Variants in MAP3K11 observed in about 807,000 individuals in gnomAD.
MAP3K11 encodes the protein SH3 domain-containing proline-rich kinase.
MAP3K11 carries 46 observed loss-of-function variants against 84.9 expected under a neutral mutation model. That is an observed-to-expected ratio of 0.54 (90% CI 0.43 to 0.69). The LOEUF is 0.69. Among genes scored for constraint, MAP3K11 ranks in the 30% least tolerant of loss-of-function variants. The pLI, the probability that MAP3K11 is intolerant of heterozygous loss-of-function variation, is 0.00. For synonymous variants in MAP3K11, 527 were observed against 514.7 expected (o/e 1.02, Z -0.32); for missense variants, 1,053 against 1,198.3 (o/e 0.88, Z 1.79).
Position 65,599,443 on chromosome 11 carries a change from A to G in MAP3K11, c.2157T>C (p.Pro719=). Residue 719 remains proline, a synonymous_variant, in exon 9 of 10, where the codon CCT becomes CCC. Coordinates refer to ENST00000309100, the MANE Select transcript of MAP3K11 (RefSeq NM_002419.4). ...GGCTCTTGGCTGACCGCTGGCCCAC[A>G]GGGATACCCAGGTCCAGCAACAGGG... is the stretch of plus-strand genomic sequence containing the variant. ...PAPLLLDLGI[P]VGQRSAKSPR... 8.6e-6 allele frequency: 13 copies of G among 1,520,214 alleles called. No homozygotes were observed. The highest frequency in any genetic ancestry group is 1.1e-5 in the Non-Finnish European group (13 of 1,146,220). 94.2% of individuals were successfully genotyped at this position (1,520,214 alleles called of 1,614,324 possible).
chr11:65,607,879 G>A, intron 3 of MAP3K11, 43 bp downstream of exon 3: 2 of 1,609,022 alleles, frequency 1.2e-6, no homozygotes, highest in East Asian at 2.2e-5. Flanking sequence ...TGTGTCCTGG[G>A]CCAGGGAGCT....
chr11:65,608,693 C>T (rs1211338059), intron 1 of MAP3K11: 2 of 449,342 alleles, frequency 4.5e-6, no homozygotes, highest in Non-Finnish European at 8.0e-6. Flanking sequence ...TCTTGGCTCA[C>T]TGCAACCTCC....
At chr11:65,607,247 A>G (rs1017844899) in intron 5 of MAP3K11, 23 bp downstream of exon 5, 1 of 1,461,766 alleles carries the variant, frequency 6.8e-7, no homozygotes, top group East Asian at 2.7e-5. Context: ...ATGGCGGGGG[A>G]CGCCCCGGGG....
At chr11:65,606,573 G>C in intron 6 of MAP3K11, 118 bp downstream of exon 6, 1 of 698,580 alleles carries the variant, frequency 1.4e-6, no homozygotes, top group Non-Finnish European at 2.4e-6. Flanking sequence ...CTAAGGCAGG[G>C]AGCCTGGGGG....
In MAP3K11 at chr11:65,607,727, T is replaced by C; in HGVS notation, c.1159A>G (p.Met387Val). Residue 387 changes from methionine to valine, a missense_variant, in exon 4 of 10, where the codon ATG (methionine) becomes GTG (valine). This residue lies in a region of MAP3K11 where 310 missense variants were observed against 464.5 expected (regional missense o/e 0.67). Transcript: ENST00000309100. ...ATGGAATGGAAGGAGTCCCGCGGCA[T>C]TTCCCGTAGGACCTGTGCCTCCAGC... ...EALEAQVLRE[M>V]PRDSFHSMQE... The C allele has an allele frequency of 6.2e-7, 1 of 1,613,878 alleles. No individual in the cohort carries two copies. The highest frequency in any genetic ancestry group is 8.5e-7 in the Non-Finnish European group (1 of 1,179,892).
intron 9 of MAP3K11, among the ~76,000 whole-genome samples, 159 bp from the exon 10 acceptor site, chr11:65,598,787 TA>T (rs1403006163): frequency 6.6e-6 from 1 of 152,186 alleles, no homozygotes; most frequent in African/African-American, 2.4e-5. Flanking sequence ...CTGTTTTTTG[TA>T]ATAGTTAGGA....
chr11:65,604,435 G>A (rs1451369078), intron 8 of MAP3K11, among the ~76,000 whole-genome samples: 2 of 152,246 alleles, frequency 1.3e-5, no homozygotes, highest in African/African-American at 2.4e-5. Flanking sequence ...GTCCCTGCAG[G>A]ACAGATGCTG....
rs780599035 is a variant in MAP3K11, at chr11:65,607,829, C to A, written c.1070-13G>T. Reference sequence around the variant, plus strand: ...TGCGCCCAGCAGTCTAGGGGCACGGCGTGCAGCGGGGACAGAATAAGAAGG... The same window carrying A: ...TGCGCCCAGCAGTCTAGGGGCACGGAGTGCAGCGGGGACAGAATAAGAAGG... On this transcript the variant is annotated splice_polypyrimidine_tract_variant and intron_variant, in intron 3 of 9. Coordinates refer to ENST00000309100, the MANE Select transcript of MAP3K11 (RefSeq NM_002419.4). 1.3e-5 allele frequency: 21 copies of A among 1,607,612 alleles called. 1 individual carries two copies. In the South Asian group the frequency reaches 2.3e-4, roughly 18 times the overall value.
rs1161465365 is a variant in MAP3K11, at chr11:65,598,587, G to A, written c.2248C>T (p.Pro750Ser). ...SPPPGTSRSA[P>S]GTPGTPRSPP... ...GAACGTGGGGTGCCTGGGGTGCCAGGAGCAGAGCGTGATGTCCCCGGTGGG... is the reference window on the plus strand; with the variant it reads ...GAACGTGGGGTGCCTGGGGTGCCAGAAGCAGAGCGTGATGTCCCCGGTGGG... The change falls in exon 10 of 10, where the codon CCT (proline) becomes TCT (serine). Residue 750 changes from proline (P) to serine (S), a missense_variant. By Grantham distance (74) the Pro-to-Ser change is moderately conservative (BLOSUM62 -1). This residue lies in a region of MAP3K11 where 583 missense variants were observed against 566.6 expected (regional missense o/e 1.03). Coordinates refer to ENST00000309100, the MANE Select transcript of MAP3K11 (RefSeq NM_002419.4). The A allele has an allele frequency of 6.3e-7, 1 of 1,585,914 alleles. No homozygotes were observed. The highest frequency in any genetic ancestry group is 1.8e-5 in the Admixed American group (1 of 56,324).
intron 1 of MAP3K11, chr11:65,608,725 G>A (rs1854540965): frequency 2.7e-6 from 1 of 372,328 alleles, no homozygotes; most frequent in Non-Finnish European, 4.9e-6. Flanking sequence ...TCAAGCGATT[G>A]TCCTGCCCCA....
chr11:65,607,628 T>G lies in MAP3K11; in HGVS notation c.1245+13A>C, dbSNP rs1157521473. The G allele has an allele frequency of 1.9e-5, 31 of 1,596,782 alleles. No homozygotes were observed. Among genetic ancestry groups the G allele is most frequent in the Non-Finnish European group, 2.6e-5 (30 of 1,168,848 alleles). On this transcript the variant is annotated intron_variant, in intron 4 of 9. Transcript: ENST00000309100. ...ACACTCGTTCCAACGCTGGGTCCCT[T>G]GATTCCTCGCACCTTTTCCTTGGCT...
rs750269167 is a variant in MAP3K11, at chr11:65,599,716, G to A, written c.1884C>T (p.Pro628=). The part of the protein sequence containing the change: ...LEPEEPKRPV[P]AERGSSSGTP... ...TCCCAGAGCTGCTACCGCGCTCTGC[G>A]GGGACAGGCCTCTTGGGCTCCTCGG... The change falls in exon 9 of 10, where the codon CCC becomes CCT. Residue 628 remains proline, a synonymous_variant. Transcript: ENST00000309100. The A allele has an allele frequency of 1.4e-5, 22 of 1,586,014 alleles. No individual in the cohort carries two copies. In the African/African-American group the frequency reaches 1.5e-4, roughly 11 times the overall value.
chr11:65,599,099 C>G (rs1854419760), intron 9 of MAP3K11, among the ~76,000 whole-genome samples: 1 of 152,160 alleles, frequency 6.6e-6, no homozygotes, highest in Admixed American at 6.5e-5. Context: ...CTCAACCTTT[C>G]AAGGCTCACG....
chr11:65,608,339 C>G lies in MAP3K11; in HGVS notation c.849G>C (p.Ala283=), dbSNP rs757879340. The change falls in exon 2 of 10, where the codon GCG becomes GCC. Residue 283 remains alanine, a synonymous_variant. Coordinates refer to ENST00000309100, the MANE Select transcript of MAP3K11 (RefSeq NM_002419.4). ...EWHKTTQMSA[A]GTYAWMAPEV... ...CAGGAGCCATCCAGGCGTAGGTGCC[C>G]GCGGCACTCATTTGTGTGGTTTTGT... is the stretch of plus-strand genomic sequence containing the variant. 3 of 1,614,216 alleles carry G rather than the reference C, an allele frequency of 1.9e-6. No individual in the cohort carries two copies. The highest frequency in any genetic ancestry group is 1.6e-4 in the Middle Eastern group (1 of 6,062).
At chr11:65,600,977 C>CCACTG (rs1447221210) in intron 8 of MAP3K11, among the ~76,000 whole-genome samples, 3 of 152,244 alleles carry the variant, frequency 2.0e-5, no homozygotes, top group Non-Finnish European at 4.4e-5. Flanking sequence ...CCCACCCCGG[C>CCACTG]CACTGCCACT....
rs1391630281 is a variant in MAP3K11 at position 65,599,589 on chromosome 11, G to A, written c.2011C>T (p.Arg671Cys). Residue 671 changes from arginine to cysteine, a missense_variant, in exon 9 of 10, where the codon CGC becomes TGC. By Grantham distance (180) the Arg-to-Cys change is radical. Transcript: ENST00000309100. Reference protein sequence around the residue: ...LQPPGGPGRERGESPTTPPTP... With the variant: ...LQPPGGPGRECGESPTTPPTP... ...GGGGGTGTTGTCGGGGACTCCCCGC[G>A]CTCGCGTCCTGGGCCTCCCGGCGGC... 6 of 1,520,110 alleles carry A rather than the reference G, an allele frequency of 3.9e-6. No homozygotes were observed. The highest frequency in any genetic ancestry group is 2.6e-5 in the South Asian group (2 of 78,244). The allele number at this position is 1,520,110 out of a possible 1,614,324, so 94.2% of individuals were successfully genotyped here.
Position 65,606,824 on chromosome 11 carries a change from G to A in MAP3K11, c.1490-20C>T. ...TGAAGTCTGGGATTTGGGTTGGGGG[G>A]AGCAGGGTTCAGGTTTGTGATGAAG... On this transcript the variant is annotated intron_variant, in intron 5 of 9. Transcript: ENST00000309100. The A allele has an allele frequency of 1.3e-6, 2 of 1,533,490 alleles. No homozygotes were observed. Among genetic ancestry groups the A allele is most frequent in the Middle Eastern group, 1.7e-4 (1 of 5,896 alleles). The allele number at this position is 1,533,490 out of a possible 1,614,324, so 95.0% of individuals were successfully genotyped here.
At position 65,598,633 on chromosome 11, in the gene MAP3K11, G is replaced by A; in HGVS notation, c.2207-5C>T. ...GTGGGGGTGAGACAGTGCCTCCTGTGAGGATATAGGAGGGGCACAGGGTCA... is the reference window on the plus strand; with the variant it reads ...GTGGGGGTGAGACAGTGCCTCCTGTAAGGATATAGGAGGGGCACAGGGTCA... On this transcript the variant is annotated splice_region_variant and splice_polypyrimidine_tract_variant and intron_variant, in intron 9 of 9. Coordinates refer to ENST00000309100, the MANE Select transcript of MAP3K11 (RefSeq NM_002419.4). 2 of 1,481,548 alleles carry A rather than the reference G, an allele frequency of 1.3e-6. No homozygotes were observed. Among genetic ancestry groups the A allele is most frequent in the South Asian group, 2.7e-5 (2 of 73,596 alleles). The allele number at this position is 1,481,548 out of a possible 1,614,324, so 91.8% of individuals were successfully genotyped here. A position where few individuals can be genotyped will look rare whatever the true frequency, so the allele number is the denominator to read the frequency against.
In MAP3K11 at chr11:65,613,076, G is replaced by A; in HGVS notation, c.681C>T (p.His227=). 2 of 1,537,494 alleles carry A rather than the reference G, an allele frequency of 1.3e-6. No homozygotes were observed. Among genetic ancestry groups the A allele is most frequent in the Non-Finnish European group, 1.8e-6 (2 of 1,141,852 alleles). Reference sequence around the variant, plus strand: ...GCACCAGGGCCTCGCAGTGCAGGTAGTGCATCCCACGGGCAATCTGCACAG... The same window carrying A: ...GCACCAGGGCCTCGCAGTGCAGGTAATGCATCCCACGGGCAATCTGCACAG... ...NWAVQIARGM[H]YLHCEALVPV... is the part of the protein sequence containing the mutation. The change falls in exon 1 of 10, where the codon CAC becomes CAT. Residue 227 remains histidine, a synonymous_variant. Transcript: ENST00000309100.
Sources: gnomAD v4.1 joint callset for allele counts (sites outside exome capture counted in the v4.1 genomes callset) on GRCh38, gnomAD v4.1.1 for gene constraint, gnomAD v4.1.1 regional missense constraint, MANE v1.5 for transcripts, NCBI Gene and HGNC (gene_info 2026-07-23, HGNC 2026-07-21) for gene names.